Variants in NFATC3 observed in about 807,000 individuals in gnomAD.
The protein encoded by NFATC3 is nuclear factor of activated T cells 3.
NFATC3 carries 46 observed loss-of-function variants against 98.6 expected under a neutral mutation model. The observed-to-expected ratio is 0.47, with a 90% CI of 0.37 to 0.60. The LOEUF (loss-of-function observed/expected upper bound fraction) is 0.60, where lower values mean the gene tolerates loss of function less well. NFATC3 is among the 20% of genes least tolerant of loss of function. The probability of loss-of-function intolerance (pLI) is 0.00; values close to 1 mark genes in which losing one functional copy is unlikely to be tolerated. For missense variants in NFATC3, 1,256 were observed against 1,295.5 expected, an observed-to-expected ratio of 0.97 and a Z score of 0.47; for synonymous variants, 512 against 472.2, an observed-to-expected ratio of 1.08 and a Z score of -1.09.
chr16:68,212,466 T>C (rs1367012837), intron 9 of NFATC3: 1 of 152,216 alleles, frequency 6.6e-6, no homozygotes, highest in Admixed American at 6.5e-5. Context: ...TAATTCCTTA[T>C]AGGCAAAAAG....
rs933061601 is a variant in NFATC3, at chr16:68,171,876, C to T, written c.1775-2498C>T. Reference sequence around the variant, plus strand: ...CGATCTCGGCTTACTGCAACCTCCGCCTCCTGGGTTCAAGTGATTCTTCTA... The same window carrying T: ...CGATCTCGGCTTACTGCAACCTCCGTCTCCTGGGTTCAAGTGATTCTTCTA... On this transcript the variant is annotated intron_variant, in intron 5 of 9. Transcript: ENST00000346183. Among the ~76,000 whole-genome samples, 6 of 152,200 alleles carry T rather than the reference C, an allele frequency of 3.9e-5. No homozygotes were observed. In the East Asian group the frequency reaches 7.7e-4, roughly 20 times the overall value.
intron 3 of NFATC3, among the ~76,000 whole-genome samples, chr16:68,134,465 T>A (rs538807805): frequency 1.3e-5 from 2 of 152,152 alleles, no homozygotes; most frequent in African/African-American, 4.8e-5. Context: ...AATGCTGGAA[T>A]TACAGACGTG....
At chr16:68,184,972 G>A (rs1205743039) in intron 8 of NFATC3, among the ~76,000 whole-genome samples, 1 of 151,878 alleles carries the variant, frequency 6.6e-6, no homozygotes, top group African/African-American at 2.4e-5. Context: ...TCTATAATTA[G>A]GGGTTTATTT....
chr16:68,120,186 T>C (rs941498496), intron 1 of NFATC3, among the ~76,000 whole-genome samples: 2 of 138,910 alleles, frequency 1.4e-5, no homozygotes, highest in South Asian at 4.6e-4. Context: ...AAGGTTGAGG[T>C]GGGAGGATCA....
chr16:68,185,060 C>A (rs2040125387), intron 8 of NFATC3, among the ~76,000 whole-genome samples: 1 of 151,752 alleles, frequency 6.6e-6, no homozygotes, highest in Admixed American at 6.6e-5. Flanking sequence ...TGGCTCACTG[C>A]AACCTCCGCC....
chr16:68,153,626 T>A (rs2038457207), intron 3 of NFATC3, among the ~76,000 whole-genome samples: 1 of 152,242 alleles, frequency 6.6e-6, no homozygotes, highest in South Asian at 2.1e-4. Flanking sequence ...ATTATTTTTA[T>A]TTTTTGAGAC....
intron 2 of NFATC3, among the ~76,000 whole-genome samples, chr16:68,124,785 A>C (rs1484402112): frequency 6.6e-6 from 1 of 150,908 alleles, no homozygotes; most frequent in African/African-American, 2.4e-5. Flanking sequence ...GCTCAAGTGC[A>C]GTGGCATGAT....
intron 5 of NFATC3, among the ~76,000 whole-genome samples, chr16:68,168,894 C>CT (rs1489943098): frequency 2.6e-5 from 4 of 152,172 alleles, no homozygotes; most frequent in African/African-American, 9.7e-5. Flanking sequence ...CTGGGAATCA[C>CT]TGAGTAAATC....
chr16:68,116,069 G>GTTCTA (rs1271509835), intron 1 of NFATC3, among the ~76,000 whole-genome samples: 1 of 152,056 alleles, frequency 6.6e-6, no homozygotes, highest in Non-Finnish European at 1.5e-5. Context: ...CAGTTACTCA[G>GTTCTA]TTCTACCCTT....
At chr16:68,091,098 A>G (rs1260872512) in intron 1 of NFATC3, among the ~76,000 whole-genome samples, 2 of 152,208 alleles carry the variant, frequency 1.3e-5, no homozygotes, top group East Asian at 1.9e-4. Flanking sequence ...TGCAAGAGCT[A>G]TTCCTGTACT....
chr16:68,115,647 A>G (rs1362948173), intron 1 of NFATC3, among the ~76,000 whole-genome samples: 1 of 151,468 alleles, frequency 6.6e-6, no homozygotes, highest in African/African-American at 2.4e-5. Context: ...CTGGTCTTGG[A>G]CTCCTGATCT....
chr16:68,150,064 G>A (rs1428518526), intron 3 of NFATC3, among the ~76,000 whole-genome samples: 1 of 152,030 alleles, frequency 6.6e-6, no homozygotes, highest in Non-Finnish European at 1.5e-5. Flanking sequence ...CTTGAATCTG[G>A]AATTGTTTCT....
intron 9 of NFATC3, chr16:68,192,212 A>G (rs2040441649): frequency 1.3e-4 from 2 of 15,834 alleles, no homozygotes; most frequent in Admixed American, 1.0e-3. Flanking sequence ...CGTCTCGGGA[A>G]AAAAAAAAAA....
intron 9 of NFATC3, among the ~76,000 whole-genome samples, chr16:68,204,413 A>G (rs1366539338): frequency 2.0e-5 from 3 of 152,182 alleles, no homozygotes; most frequent in Non-Finnish European, 1.5e-5. Context: ...TGATAAACTC[A>G]TATTTTTTTT....
intron 6 of NFATC3, among the ~76,000 whole-genome samples, chr16:68,181,066 T>A (rs765644909): frequency 1.3e-5 from 2 of 152,254 alleles, no homozygotes; most frequent in Non-Finnish European, 1.5e-5. Flanking sequence ...TCTAGATCTT[T>A]GAGGAATCGC....
At chr16:68,219,740 C>T (rs963007978) in intron 9 of NFATC3, among the ~76,000 whole-genome samples, 9 of 152,124 alleles carry the variant, frequency 5.9e-5, no homozygotes, top group African/African-American at 1.4e-4. Flanking sequence ...AAAAATACCC[C>T]GAAATCCTTT....
intron 9 of NFATC3, among the ~76,000 whole-genome samples, chr16:68,196,274 C>T (rs1299366989): frequency 5.3e-5 from 8 of 152,078 alleles, no homozygotes; most frequent in Admixed American, 5.2e-4. Context: ...CGTGTACCAC[C>T]ACGCCCAGCT....
chr16:68,092,659 C>T (rs983028960), intron 1 of NFATC3, among the ~76,000 whole-genome samples: 17 of 149,128 alleles, frequency 1.1e-4, no homozygotes, highest in Non-Finnish European at 2.4e-4. Flanking sequence ...GTCCCAGCTA[C>T]TTGGAAGTAT....
At chr16:68,087,658 TC>T (rs1431867825) in intron 1 of NFATC3, among the ~76,000 whole-genome samples, 1 of 152,206 alleles carries the variant, frequency 6.6e-6, no homozygotes, top group Non-Finnish European at 1.5e-5. Context: ...TAAAACATTT[TC>T]TTCATCCAAA....
Sources: allele counts gnomAD v4.1 joint callset (sites outside exome capture counted in the v4.1 genomes callset), GRCh38; gene constraint gnomAD v4.1.1; transcripts MANE v1.5; gene names NCBI Gene and HGNC (gene_info 2026-07-23, HGNC 2026-07-21).